Variants in ADCY7 observed in about 807,000 individuals in gnomAD.
ADCY7 encodes adenylate cyclase type 7.
Under a neutral mutation model 120.6 loss-of-function variants are expected in ADCY7, and 72 were observed. The ratio of observed to expected loss-of-function variants is 0.60; its 90% CI spans 0.49 to 0.73. The LOEUF is 0.73. Ranked by LOEUF, ADCY7 falls within the 30% of genes least tolerant of loss-of-function variation. The pLI is 0.00. For synonymous variants in ADCY7, 661 were observed against 628.0 expected (o/e 1.05, Z -0.78); for missense variants, 1,227 against 1,486.0 (o/e 0.83, Z 2.87).
In ADCY7 at chr16:50,312,119, G is replaced by A. The variant is rs138338317; in HGVS notation, c.2532G>A (p.Val844=). 1.4e-3 allele frequency: 2,230 copies of A among 1,614,214 alleles called. 2 individuals are homozygous for A. Among genetic ancestry groups the A allele is most frequent in the Non-Finnish European group, 1.7e-3 (2,053 of 1,180,030 alleles). Residue 844 remains valine (V), a synonymous_variant, in exon 21 of 26, where the codon GTG becomes GTA. Transcript: ENST00000673801. The stretch of plus-strand genomic sequence containing the variant: ...AGGAGTTTGAGACCATGGAGAACGT[G>A]AACCGCCTTCTTCTGGAGAACGTCC... ...EHEEFETMEN[V]NRLLLENVLP...
intron 1 of ADCY7, among the ~76,000 whole-genome samples, chr16:50,268,521 C>T (rs1178724290): frequency 2.6e-5 from 4 of 152,194 alleles, no homozygotes; most frequent in East Asian, 3.8e-4. Context: ...CCGCCTCAGC[C>T]TTCTAAAGTG....
intron 2 of ADCY7, among the ~76,000 whole-genome samples, chr16:50,288,582 A>G (rs1477701189): frequency 6.6e-6 from 1 of 152,036 alleles, no homozygotes; most frequent in African/African-American, 2.4e-5. Flanking sequence ...GGCTCAAGCA[A>G]TTCTCCTGCC....
chr16:50,246,040 A>AGCCCCCC (rs2032572371), upstream of ADCY7: 1 of 149,720 alleles, frequency 6.7e-6, no homozygotes, highest in Non-Finnish European at 1.5e-5. Flanking sequence ...CCCAGCCCCC[A>AGCCCCCC]GCCCCCCGCC....
upstream of ADCY7, among the ~76,000 whole-genome samples, chr16:50,261,631 A>G (rs1256584316): frequency 6.6e-6 from 1 of 150,848 alleles, no homozygotes; most frequent in African/African-American, 2.4e-5. Context: ...CATTTCTCAC[A>G]GCCCCCCACG....
intron 18 of ADCY7, 108 bp from the exon 19 acceptor site, chr16:50,310,579 G>C: frequency 1.9e-6 from 3 of 1,579,924 alleles, no homozygotes; most frequent in Non-Finnish European, 2.6e-6. Flanking sequence ...GGTAAGGCAA[G>C]AGCGTGATGC....
chr16:50,289,199 TTTTG>T (rs750011208), intron 2 of ADCY7: 19 of 313,070 alleles, frequency 6.1e-5, no homozygotes, highest in African/African-American at 2.3e-4. Flanking sequence ...TTTGTTTTTT[TTTTG>T]TTTGTTTGTT....
chr16:50,277,354 C>T (rs1421871151), intron 1 of ADCY7, among the ~76,000 whole-genome samples: 1 of 152,132 alleles, frequency 6.6e-6, no homozygotes, highest in Non-Finnish European at 1.5e-5. Flanking sequence ...GCAAATATGT[C>T]CTTCAGTGAC....
intron 1 of ADCY7, among the ~76,000 whole-genome samples, chr16:50,247,199 C>T (rs1295751001): frequency 6.6e-6 from 1 of 152,146 alleles, no homozygotes; most frequent in Non-Finnish European, 1.5e-5. Context: ...CAAACGTGGG[C>T]AGGTGCCCTT....
intron 7 of ADCY7, 59 bp from the exon 8 acceptor site, chr16:50,298,845 G>C (rs1736153150): frequency 6.4e-7 from 1 of 1,571,364 alleles, no homozygotes; most frequent in Non-Finnish European, 8.7e-7. Flanking sequence ...GGAGGCGGCT[G>C]TCGTGAGAGG....
Position 50,315,015 on chromosome 16 carries a change from C to A in ADCY7, c.2973C>A (p.Gly991=). 6.2e-7 allele frequency: 1 copy of A among 1,614,124 alleles called. No homozygotes were observed. The highest frequency in any genetic ancestry group is 8.5e-7 in the Non-Finnish European group (1 of 1,179,980). The stretch of plus-strand genomic sequence containing the variant: ...GGTAACTGTAAACATCATCTTCAGG[C>A]ATAAACCATGGGCCTGTGATTGCTG... ...HSFNSFRLRV[G]INHGPVIAGV... Residue 991 remains glycine (G), a splice_region_variant and synonymous_variant, in exon 25 of 26, where the codon GGC becomes GGA. Transcript: ENST00000673801.
At chr16:50,275,552 GCTT>G (rs1358508771) in intron 1 of ADCY7, among the ~76,000 whole-genome samples, 4 of 152,200 alleles carry the variant, frequency 2.6e-5, no homozygotes, top group Non-Finnish European at 5.9e-5. Context: ...AATTCAGCAG[GCTT>G]CTTTCCTGCA....
intron 1 of ADCY7, chr16:50,246,314 T>C (rs978987162): frequency 2.6e-5 from 4 of 150,980 alleles, no homozygotes; most frequent in Non-Finnish European, 5.9e-5. Flanking sequence ...GGCGGGCGGG[T>C]GGCCCCTCTC....
chr16:50,248,600 C>G (rs187505921), intron 1 of ADCY7, among the ~76,000 whole-genome samples: 1 of 152,276 alleles, frequency 6.6e-6, no homozygotes, highest in African/African-American at 2.4e-5. Context: ...TGGGGGAGTT[C>G]GTGGACAGAT....
chr16:50,294,632 A>AG lies in ADCY7; in HGVS notation c.837-8_837-7insG. 1 of 836,854 alleles carries AG rather than the reference A, an allele frequency of 1.2e-6. No homozygotes were observed. The allele number at this position is 836,854 out of a possible 1,614,324, so 51.8% of individuals were successfully genotyped here. A position where few individuals can be genotyped will look rare whatever the true frequency, so the allele number is the denominator to read the frequency against. On this transcript the variant is annotated splice_region_variant and splice_polypyrimidine_tract_variant and intron_variant, in intron 6 of 25. Transcript: ENST00000673801. The stretch of plus-strand genomic sequence containing the variant: ...CTGACACTCCCTCCCACCCTGCCCC[A>AG]TCCCCAGCATCCTCTATGCGGACAT...
chr16:50,267,106 T>C (rs1193616031), intron 1 of ADCY7, among the ~76,000 whole-genome samples: 2 of 152,142 alleles, frequency 1.3e-5, no homozygotes, highest in Non-Finnish European at 2.9e-5. Flanking sequence ...TTTTATGAAA[T>C]TATAAAACAA....
rs1376102748 is a variant in ADCY7 at position 50,315,540 on chromosome 16, C to T, written c.*35C>T. On this transcript the variant is annotated 3_prime_UTR_variant, in exon 26 of 26. Coordinates refer to ENST00000673801, the MANE Select transcript of ADCY7 (RefSeq NM_001114.5). ...CTGGATTCCGAAAAGGCCGGGAAGC[C>T]AGTCTCCTTCCCTGAAGCAAGCCCA... 6.3e-7 allele frequency: 1 copy of T among 1,594,002 alleles called. No individual in the cohort carries two copies. The highest frequency in any genetic ancestry group is 1.3e-5 in the African/African-American group (1 of 74,688).
At chr16:50,310,647 G>A in intron 18 of ADCY7, 40 bp from the exon 19 acceptor site, 1 of 1,608,114 alleles carries the variant, frequency 6.2e-7, no homozygotes, top group African/African-American at 1.3e-5. Context: ...AGAGTACGTG[G>A]TGGGGTGGCC....
At chr16:50,250,888 G>T (rs897426335) in intron 1 of ADCY7, among the ~76,000 whole-genome samples, 1 of 152,108 alleles carries the variant, frequency 6.6e-6, no homozygotes, top group African/African-American at 2.4e-5. Flanking sequence ...AGAATTCTTT[G>T]TACTTATCAC....
intron 1 of ADCY7, among the ~76,000 whole-genome samples, chr16:50,277,851 TA>T (rs1294768435): frequency 6.6e-6 from 1 of 151,966 alleles, no homozygotes; most frequent in African/African-American, 2.4e-5. Flanking sequence ...TTTGTATTTT[TA>T]GTAGAGATGG....
Sources: allele counts gnomAD v4.1 joint callset (sites outside exome capture counted in the v4.1 genomes callset), GRCh38; gene constraint gnomAD v4.1.1; transcripts MANE v1.5; gene names NCBI Gene and HGNC (gene_info 2026-07-23, HGNC 2026-07-21).